The following TENM4 variants were observed in gnomAD, a reference collection of about 807,000 sequenced individuals.
TENM4 encodes teneurin-4.
Under a neutral mutation model 243.3 loss-of-function variants are expected in TENM4, and 82 were observed. The ratio of observed to expected loss-of-function variants is 0.34; its 90% CI spans 0.28 to 0.40. The LOEUF is 0.40. TENM4 is among the 10% of genes least tolerant of loss of function. TENM4 has a pLI of 1.00. For missense variants in TENM4, 3,138 were observed against 3,673.3 expected (o/e 0.85, Z 3.77); for synonymous variants, 1,412 against 1,456.3 (o/e 0.97, Z 0.69).
intron 2 of TENM4, among the ~76,000 whole-genome samples, chr11:79,284,248 A>C (rs996584550): frequency 1.6e-4 from 24 of 152,254 alleles, no homozygotes; most frequent in African/African-American, 5.8e-4. Flanking sequence ...CAGAATATTC[A>C]CATAATCCTT....
At chr11:79,087,876 C>T (rs558547109) in intron 4 of TENM4, among the ~76,000 whole-genome samples, 1 of 152,234 alleles carries the variant, frequency 6.6e-6, no homozygotes, top group Admixed American at 6.5e-5. Flanking sequence ...AGGCTGCACA[C>T]GCACTACAGT....
intron 9 of TENM4, among the ~76,000 whole-genome samples, chr11:78,864,597 A>G (rs1858916817): frequency 2.0e-5 from 3 of 152,202 alleles, no homozygotes; most frequent in Non-Finnish European, 4.4e-5. Context: ...CATCTCCAAT[A>G]ATGTTTGTGA....
At position 78,702,295 on chromosome 11, in the gene TENM4, T is replaced by A; in HGVS notation, c.4318A>T (p.Ile1440Phe). Residue 1440 changes from isoleucine to phenylalanine, a missense_variant, in exon 28 of 34, where the codon ATT becomes TTT. By Grantham distance (21) the Ile-to-Phe change is conservative. This residue lies in a region of TENM4 where 2,467 missense variants were observed against 3,059.1 expected (regional missense o/e 0.81). Transcript: ENST00000278550. The part of the protein sequence containing the change: ...LQISENHQVR[I>F]VAGRPMHCQV... ...CAGTGCATGGGCCTCCCGGCGACAA[T>A]GCGCACCTGGTGGTTTTCAGAGATT... 6.2e-7 allele frequency: 1 copy of A among 1,614,016 alleles called. No homozygotes were observed.
intron 3 of TENM4, among the ~76,000 whole-genome samples, chr11:79,209,561 G>A (rs1434643752): frequency 6.6e-6 from 1 of 152,230 alleles, no homozygotes; most frequent in Non-Finnish European, 1.5e-5. Flanking sequence ...ACTGGGTGCT[G>A]GAAGACAATG....
chr11:78,719,384 A>G (rs1040959767), intron 25 of TENM4, among the ~76,000 whole-genome samples: 1 of 139,862 alleles, frequency 7.1e-6, no homozygotes, highest in Non-Finnish European at 1.5e-5. Context: ...ATTATTAAAT[A>G]ATTATATTTA....
At chr11:79,348,167 T>C (rs577238508) in intron 1 of TENM4, among the ~76,000 whole-genome samples, 155 of 152,298 alleles carry the variant, frequency 1.0e-3, no homozygotes, top group African/African-American at 2.7e-3. Flanking sequence ...TGCCCAACCA[T>C]AGTCATTAGT....
chr11:79,051,395 T>C (rs185277693), intron 6 of TENM4, among the ~76,000 whole-genome samples: 186 of 152,326 alleles, frequency 1.2e-3, no homozygotes, highest in African/African-American at 4.3e-3. Context: ...CTCCAGAGTA[T>C]GTGCTTATAA....
At chr11:79,055,127 C>A (rs79654685) in intron 6 of TENM4, among the ~76,000 whole-genome samples, 75 of 134,562 alleles carry the variant, frequency 5.6e-4, no homozygotes, top group Non-Finnish European at 5.8e-4. Flanking sequence ...AACTCCATCT[C>A]AAAAAAAAAA....
chr11:79,403,234 T>G (rs1016887195), intron 1 of TENM4, among the ~76,000 whole-genome samples: 3 of 152,196 alleles, frequency 2.0e-5, no homozygotes, highest in Middle Eastern at 3.2e-3. Flanking sequence ...CCATGCACAT[T>G]TATGACAAAA....
intron 1 of TENM4, among the ~76,000 whole-genome samples, chr11:79,425,190 G>T (rs1455336250): frequency 6.6e-6 from 1 of 152,128 alleles, no homozygotes; most frequent in African/African-American, 2.4e-5. Context: ...TAACAACGGT[G>T]CTAAGGATCA....
intron 9 of TENM4, among the ~76,000 whole-genome samples, chr11:78,872,480 G>C (rs657641): frequency 0.42 from 64,038 of 152,058 alleles, 15,497 homozygotes; most frequent in African/African-American, 0.67. Flanking sequence ...GTCTGGGATG[G>C]TGCCTGTTAT....
chr11:79,293,534 A>G (rs1269792944), intron 2 of TENM4, among the ~76,000 whole-genome samples: 5 of 150,942 alleles, frequency 3.3e-5, no homozygotes, highest in East Asian at 1.9e-4. Context: ...AAAAAAAAAG[A>G]AAAAAAAGTG....
intron 1 of TENM4, among the ~76,000 whole-genome samples, chr11:79,405,320 G>T (rs1051438727): frequency 6.6e-6 from 1 of 152,060 alleles, no homozygotes; most frequent in Non-Finnish European, 1.5e-5. Flanking sequence ...CCAATTTTCA[G>T]TGGGGGAAAC....
At position 79,228,480 on chromosome 11, in the gene TENM4, G is replaced by A. The variant is rs534630597; in HGVS notation, c.-264-12571C>T. On this transcript the variant is annotated intron_variant, in intron 2 of 33. Transcript: ENST00000278550. Reference sequence around the variant, plus strand: ...TGGTTCCAGGGAGGAAACCAATGCCGAGACTCCAGTGCAGACTTGCTTGCC... The same window carrying A: ...TGGTTCCAGGGAGGAAACCAATGCCAAGACTCCAGTGCAGACTTGCTTGCC... Among the ~76,000 whole-genome samples the A allele has an allele frequency of 6.6e-5, 10 of 152,148 alleles. No individual in the cohort carries two copies. In the East Asian group the frequency reaches 9.7e-4, roughly 15 times the overall value.
At chr11:79,081,001 T>C (rs904706852) in intron 4 of TENM4, among the ~76,000 whole-genome samples, 4 of 152,170 alleles carry the variant, frequency 2.6e-5, no homozygotes, top group African/African-American at 9.7e-5. Flanking sequence ...GGGTGCCCTA[T>C]TAGGCCTCCA....
intron 1 of TENM4, among the ~76,000 whole-genome samples, chr11:79,429,362 G>C (rs946279049): frequency 6.6e-6 from 1 of 152,018 alleles, no homozygotes; most frequent in African/African-American, 2.4e-5. Context: ...ACCTGCACTC[G>C]CCACCGGACT....
chr11:79,328,842 TCC>T (rs1565301711), intron 1 of TENM4, among the ~76,000 whole-genome samples: 3 of 152,088 alleles, frequency 2.0e-5, no homozygotes, highest in Non-Finnish European at 4.4e-5. Flanking sequence ...TTCTTCTTCT[TCC>T]CAGAAGAAGA....
At position 78,729,602 on chromosome 11, in the gene TENM4, C is replaced by G; in HGVS notation, c.3180G>C (p.Arg1060Ser). Residue 1060 changes from arginine (R) to serine (S), a missense_variant, in exon 22 of 34, where the codon AGG (arginine) becomes AGC (serine). By Grantham distance (110) the Arg-to-Ser change is moderately radical. Coordinates refer to ENST00000278550, the MANE Select transcript of TENM4 (RefSeq NM_001098816.3). ...EEISISGCKM[R>S]LSYLSSRTPG... ...GGGTCCGGCTGCTCAGGTAGCTCAG[C>G]CTCATCTTGCAGCCAGAGATAGAGA... The G allele has an allele frequency of 2.5e-6, 4 of 1,613,234 alleles. No homozygotes were observed. Among genetic ancestry groups the G allele is most frequent in the Non-Finnish European group, 3.4e-6 (4 of 1,179,414 alleles).
At chr11:79,279,029 C>T (rs572327220) in intron 2 of TENM4, among the ~76,000 whole-genome samples, 4 of 152,274 alleles carry the variant, frequency 2.6e-5, no homozygotes, top group South Asian at 4.1e-4. Flanking sequence ...CTTTCAGGCA[C>T]GTGCACAGGT....
Sources: gnomAD v4.1 joint callset for allele counts (sites outside exome capture counted in the v4.1 genomes callset) on GRCh38, gnomAD v4.1.1 for gene constraint, gnomAD v4.1.1 regional missense constraint, MANE v1.5 for transcripts, NCBI Gene and HGNC (gene_info 2026-07-23, HGNC 2026-07-21) for gene names.